Variants in TTC21A observed in about 807,000 individuals in gnomAD.
TTC21A encodes the protein tetratricopeptide repeat domain 21A, also known as tetratricopeptide repeat protein 21A.
In TTC21A, 128 loss-of-function variants were observed where a neutral mutation model predicts 156.4. The observed-to-expected ratio is 0.82, with a 90% CI of 0.71 to 0.95. TTC21A has a LOEUF of 0.95. Among genes scored for constraint, TTC21A ranks in the 40% least tolerant of loss-of-function variants. TTC21A has a pLI of 0.00. For synonymous variants in TTC21A, 587 were observed against 617.1 expected, an observed-to-expected ratio of 0.95 and a Z score of 0.72; for missense variants, 1,435 against 1,602.3, an observed-to-expected ratio of 0.90 and a Z score of 1.78.
rs1415383158 is a variant in TTC21A, at chr3:39,118,138, A to T, written c.786A>T (p.Glu262Asp). 4 of 1,614,198 alleles carry T rather than the reference A, an allele frequency of 2.5e-6. No homozygotes were observed. Among genetic ancestry groups the T allele is most frequent in the Non-Finnish European group, 3.4e-6 (4 of 1,180,008 alleles). ...QILTVHELAR[E>D]GNMTTATNHV... Reference sequence around the variant, plus strand: ...TAACCGTGCATGAGCTTGCAAGAGAAGGAAACATGACCACAGTAAGTTCTT... The same window carrying T: ...TAACCGTGCATGAGCTTGCAAGAGATGGAAACATGACCACAGTAAGTTCTT... The change falls in exon 7 of 29, where the codon GAA (glutamate) becomes GAT (aspartate). Residue 262 changes from glutamate (E) to aspartate (D), a missense_variant. By Grantham distance (45) the Glu-to-Asp change is conservative. Coordinates refer to ENST00000683103, the MANE Select transcript of TTC21A (RefSeq NM_001366900.1).
rs370336490 is a variant in TTC21A, at chr3:39,110,864, T to C, written c.282T>C (p.Ile94=). The C allele has an allele frequency of 1.7e-5, 28 of 1,613,802 alleles. No individual in the cohort carries two copies. Among genetic ancestry groups the C allele is most frequent in the Non-Finnish European group, 2.3e-5 (27 of 1,180,024 alleles). The part of the protein sequence containing the change: ...KRCEIIDREA[I]QELEYSLKEI... ...TTGGATTTACAGACCGAGAAGCAAT[T>C]CAGGAGCTTGAGTACAGCCTGAAGG... Residue 94 remains isoleucine, a synonymous_variant, in exon 4 of 29, where the codon ATT becomes ATC. Transcript: ENST00000683103.
At chr3:39,136,163 A>G (rs2125866666) in intron 22 of TTC21A, 194 bp from the exon 23 acceptor site, 1 of 537,556 alleles carries the variant, frequency 1.9e-6, no homozygotes. Context: ...GTTAGCTGCT[A>G]TTCTTTACTA....
Position 39,118,118 on chromosome 3 carries a change from G to C in TTC21A, c.766G>C (p.Val256Leu), listed in dbSNP as rs34597605. The change falls in exon 7 of 29, where the codon GTG becomes CTG. Residue 256 changes from valine (V) to leucine (L), a missense_variant. Val to Leu is a conservative substitution (Grantham distance 32). Transcript: ENST00000683103. ...SNIDACQILT[V>L]HELAREGNMT... ...TATTGATGCCTGCCAAATTCTAACC[G>C]TGCATGAGCTTGCAAGAGAAGGAAA... is the stretch of plus-strand genomic sequence containing the variant. 6.2e-7 allele frequency: 1 copy of C among 1,614,120 alleles called. No individual in the cohort carries two copies. The highest frequency in any genetic ancestry group is 1.1e-5 in the South Asian group (1 of 91,090).
Position 39,128,828 on chromosome 3 carries a change from A to G in TTC21A, c.1792A>G (p.Lys598Glu), listed in dbSNP as rs1321029069. Residue 598 changes from lysine to glutamate, a missense_variant, in exon 14 of 29, where the codon AAG becomes GAG. Lys to Glu is a moderately conservative substitution (Grantham distance 56, BLOSUM62 1). Transcript: ENST00000683103. Reference protein sequence around the residue: ...LKMVIKLPALKKEEGRKFLRP... With the variant: ...LKMVIKLPALEKEEGRKFLRP... ...AATGGTCATCAAATTGCCAGCTCTG[A>G]AGAAGGAAGAAGGCAGAAAGTTCCT... 1 of 1,614,158 alleles carries G rather than the reference A, an allele frequency of 6.2e-7. No homozygotes were observed. The highest frequency in any genetic ancestry group is 8.5e-7 in the Non-Finnish European group (1 of 1,180,024).
Position 39,112,641 on chromosome 3 carries a change from C to A in TTC21A, c.558+61C>A, listed in dbSNP as rs2036931491. 8 of 1,594,424 alleles carry A rather than the reference C, an allele frequency of 5.0e-6. No homozygotes were observed. In the East Asian group the frequency reaches 1.8e-4, roughly 36 times the overall value. ...TGGCCAGGCCACTGGAACCAGAGACCCACCAGGTACCCCCAGGCCAAACCC... is the reference window on the plus strand; with the variant it reads ...TGGCCAGGCCACTGGAACCAGAGACACACCAGGTACCCCCAGGCCAAACCC... On this transcript the variant is annotated intron_variant, in intron 5 of 28. Transcript: ENST00000683103.
chr3:39,126,653 A>G (rs867258152), intron 12 of TTC21A, among the ~76,000 whole-genome samples: 1 of 150,170 alleles, frequency 6.7e-6, no homozygotes, highest in African/African-American at 2.5e-5. Flanking sequence ...ACACACACGT[A>G]TGCACACACG....
Position 39,133,228 on chromosome 3 carries a change from A to C in TTC21A, c.2739A>C (p.Pro913=), listed in dbSNP as rs1280038824. ...QSYKDVFSYL[P]TDNKVMLELA... ...ATAAGGATGTCTTCTCCTACTTGCC[A>C]ACTGACAATAAGGTGAGTGGCCCTC... The change falls in exon 20 of 29, where the codon CCA becomes CCC. Residue 913 remains proline, a synonymous_variant. Transcript: ENST00000683103. 1 of 1,613,674 alleles carries C rather than the reference A, an allele frequency of 6.2e-7. No individual in the cohort carries two copies. Among genetic ancestry groups the C allele is most frequent in the African/African-American group, 1.3e-5 (1 of 75,052 alleles).
At chr3:39,137,430 C>T in intron 25 of TTC21A, 43 bp downstream of exon 25, 2 of 1,610,566 alleles carry the variant, frequency 1.2e-6, no homozygotes, top group Non-Finnish European at 1.7e-6. Flanking sequence ...GGTGGCAGGG[C>T]CGAGAAGACC....
chr3:39,116,395 CTATTA>C (rs1270091563), intron 6 of TTC21A, among the ~76,000 whole-genome samples: 12 of 151,802 alleles, frequency 7.9e-5, no homozygotes, highest in Middle Eastern at 3.2e-3. Context: ...TAGCTCCTTT[CTATTA>C]TATTCTAATA....
intron 6 of TTC21A, among the ~76,000 whole-genome samples, chr3:39,116,650 A>G (rs2037315873): frequency 6.6e-6 from 1 of 151,930 alleles, no homozygotes; most frequent in African/African-American, 2.4e-5. Context: ...TATTTTTTTT[A>G]TAAGCTATTT....
At chr3:39,127,716 A>C (rs978011952) in intron 12 of TTC21A, among the ~76,000 whole-genome samples, 12 of 152,304 alleles carry the variant, frequency 7.9e-5, no homozygotes, top group Middle Eastern at 3.4e-3. Context: ...GCCTGTCTGC[A>C]GGGAGGCCCC....
At position 39,126,261 on chromosome 3, in the gene TTC21A, C is replaced by T; in HGVS notation, c.1393C>T (p.Pro465Ser). Residue 465 changes from proline (P) to serine (S), a missense_variant and splice_region_variant, in exon 12 of 29, where the codon CCC becomes TCC. By Grantham distance (74) the Pro-to-Ser change is moderately conservative (BLOSUM62 -1). Coordinates refer to ENST00000683103, the MANE Select transcript of TTC21A (RefSeq NM_001366900.1). Reference sequence around the variant, plus strand: ...CACCTCCACCGCCGTGTTCCCACAGCCCAGGTTACCAGGCCAGATCGTGTC... The same window carrying T: ...CACCTCCACCGCCGTGTTCCCACAGTCCAGGTTACCAGGCCAGATCGTGTC... ...KEYLLFCPKQ[P>S]RLPGQIVSPL... 1.2e-6 allele frequency: 2 copies of T among 1,614,076 alleles called. No homozygotes were observed. Among genetic ancestry groups the T allele is most frequent in the Non-Finnish European group, 1.7e-6 (2 of 1,179,980 alleles).
In TTC21A at chr3:39,114,126, G is replaced by A. The variant is rs139853626; in HGVS notation, c.559-459G>A. Among the ~76,000 whole-genome samples the A allele has an allele frequency of 8.7e-4, 133 of 152,344 alleles. 1 individual carries two copies. Among genetic ancestry groups the A allele is most frequent in the African/African-American group, 3.2e-3 (132 of 41,572 alleles). On this transcript the variant is annotated intron_variant, in intron 5 of 28. Coordinates refer to ENST00000683103, the MANE Select transcript of TTC21A (RefSeq NM_001366900.1). ...ACAACAAAAAAAACGCCACAACCTT[G>A]CTATAGAAGTAGTTGCCAGAAAACC...
intron 6 of TTC21A, among the ~76,000 whole-genome samples, chr3:39,117,672 C>T (rs1353530595): frequency 6.6e-6 from 1 of 152,184 alleles, no homozygotes; most frequent in East Asian, 1.9e-4. Context: ...TGGCTCAGGG[C>T]TGGGATGACA....
intron 19 of TTC21A, chr3:39,131,534 G>T (rs1294607397): frequency 6.3e-6 from 1 of 157,980 alleles, no homozygotes; most frequent in African/African-American, 2.4e-5. Flanking sequence ...GTTGGGTTCA[G>T]TTGTGTTAGT....
At chr3:39,122,719 G>A (rs1485068038) in intron 9 of TTC21A, among the ~76,000 whole-genome samples, 1 of 152,220 alleles carries the variant, frequency 6.6e-6, no homozygotes, top group East Asian at 1.9e-4. Context: ...CCAGGGACAT[G>A]AAGGACAAAA....
At position 39,134,236 on chromosome 3, in the gene TTC21A, C is replaced by A. The variant is rs1366339759; in HGVS notation, c.2770C>A (p.Gln924Lys). The A allele has an allele frequency of 6.2e-7, 1 of 1,613,618 alleles. No homozygotes were observed. The highest frequency in any genetic ancestry group is 1.7e-5 in the Admixed American group (1 of 60,012). ...TDNKVMLELA[Q>K]LYLLQGHLDL... Reference sequence around the variant, plus strand: ...GTCCCAGGTGATGCTGGAGCTGGCGCAGCTCTACCTGCTCCAGGGGCACCT... The same window carrying A: ...GTCCCAGGTGATGCTGGAGCTGGCGAAGCTCTACCTGCTCCAGGGGCACCT... Residue 924 changes from glutamine to lysine, a missense_variant, in exon 21 of 29, where the codon CAG (glutamine) becomes AAG (lysine). Gln to Lys is a moderately conservative substitution (Grantham distance 53). Coordinates refer to ENST00000683103, the MANE Select transcript of TTC21A (RefSeq NM_001366900.1). The surrounding 1 kb of genome is among the most constrained non-coding windows in gnomAD (Gnocchi z 4.6).
chr3:39,132,447 T>C (rs1402457390), intron 19 of TTC21A, among the ~76,000 whole-genome samples: 1 of 152,214 alleles, frequency 6.6e-6, no homozygotes, highest in African/African-American at 2.4e-5. Flanking sequence ...TGGAGTATGC[T>C]CTGTGCTTCT....
chr3:39,126,647 ACACG>A (rs765849417), intron 12 of TTC21A, among the ~76,000 whole-genome samples: 11 of 132,074 alleles, frequency 8.3e-5, no homozygotes, highest in Non-Finnish European at 1.4e-4. Flanking sequence ...ACACACACAC[ACACG>A]TATGCACACA....
Sources: allele counts gnomAD v4.1 joint callset (sites outside exome capture counted in the v4.1 genomes callset), GRCh38; gene constraint gnomAD v4.1.1; non-coding constraint Gnocchi (gnomAD v3.1); transcripts MANE v1.5; gene names NCBI Gene and HGNC (gene_info 2026-07-23, HGNC 2026-07-21).